Variants in ONECUT1 observed in about 807,000 individuals in gnomAD.
ONECUT1 encodes hepatocyte nuclear factor 6.
Under a neutral mutation model 25.6 loss-of-function variants are expected in ONECUT1, and 12 were observed. That is an observed-to-expected ratio of 0.47 (90% confidence interval 0.30 to 0.76). ONECUT1 has a LOEUF of 0.76. ONECUT1 is among the 30% of genes least tolerant of loss of function. The pLI, the probability that ONECUT1 is intolerant of heterozygous loss-of-function variation, is 0.07. For synonymous variants in ONECUT1, 285 were observed against 270.2 expected (o/e 1.05, Z -0.54); for missense variants, 620 against 651.2 (o/e 0.95, Z 0.52).
chr15:52,774,120 G>GACACAC (rs771577331), intron 1 of ONECUT1, among the ~76,000 whole-genome samples: 3 of 82,882 alleles, frequency 3.6e-5, no homozygotes, highest in Non-Finnish European at 2.4e-5. Context: ...AGATTGGAAG[G>GACACAC]ATACACACAC....
At chr15:52,762,435 T>C (rs2083711382) in intron 1 of ONECUT1, among the ~76,000 whole-genome samples, 1 of 152,246 alleles carries the variant, frequency 6.6e-6, no homozygotes, top group Non-Finnish European at 1.5e-5. Flanking sequence ...GAACCCTTTT[T>C]GGTGGAGACT....
In ONECUT1 at chr15:52,789,322, C is replaced by A. The variant is rs151292910; in HGVS notation, c.563G>T (p.Gly188Val). 2 of 1,579,370 alleles carry A rather than the reference C, an allele frequency of 1.3e-6. No individual in the cohort carries two copies. The highest frequency in any genetic ancestry group is 1.3e-5 in the African/African-American group (1 of 74,400). Residue 188 changes from glycine (G) to valine (V), a missense_variant, in exon 1 of 2, where the codon GGC (glycine) becomes GTC (valine). By Grantham distance (109) the Gly-to-Val change is moderately radical. Around this residue, in one of 4 missense-constraint regions of ONECUT1, gnomAD observed 440 missense variants for 404.9 expected, o/e 1.09. Coordinates refer to ENST00000305901, the MANE Select transcript of ONECUT1 (RefSeq NM_004498.4). The surrounding 1 kb of genome is among the most constrained non-coding windows in gnomAD (Gnocchi z 4.1). ...SLSPLSSSGL[G>V]SIHNSQQGLP... ...CCCTTGCTGGGAGTTGTGGATGCTGCCCAGACCGGAGCTGGAGAGGGGCGA... is the reference window on the plus strand; with the variant it reads ...CCCTTGCTGGGAGTTGTGGATGCTGACCAGACCGGAGCTGGAGAGGGGCGA...
intron 1 of ONECUT1, among the ~76,000 whole-genome samples, chr15:52,758,642 C>G (rs1202345280): frequency 6.6e-6 from 1 of 152,154 alleles, no homozygotes; most frequent in African/African-American, 2.4e-5. Context: ...TCATCACTTA[C>G]TTGGTCTCCC....
chr15:52,773,747 CAG>C (rs2083782666), intron 1 of ONECUT1, among the ~76,000 whole-genome samples: 1 of 152,162 alleles, frequency 6.6e-6, no homozygotes, highest in South Asian at 2.1e-4. Context: ...ACACAGGAGT[CAG>C]AGGGAAAGGG....
At chr15:52,769,954 G>A (rs12911660) in intron 1 of ONECUT1, among the ~76,000 whole-genome samples, 1 of 152,224 alleles carries the variant, frequency 6.6e-6, no homozygotes, top group Non-Finnish European at 1.5e-5. Context: ...TCCAGCAGAA[G>A]AGTCTTGAAG....
chr15:52,767,563 T>C (rs1195484570), intron 1 of ONECUT1, among the ~76,000 whole-genome samples: 4 of 152,152 alleles, frequency 2.6e-5, no homozygotes. Context: ...AACCTGACCC[T>C]TCCCTCCATG....
chr15:52,790,074 TG>T lies in ONECUT1; in HGVS notation c.-191del. 1.3e-6 allele frequency: 1 copy of T among 762,822 alleles called. No homozygotes were observed. 47.3% of individuals were successfully genotyped at this position (762,822 alleles called of 1,614,324 possible). The stretch of plus-strand genomic sequence containing the variant: ...GTCCGTGTGTGCGTGTGCGTGTGTG[TG>T]TGTGTGTGTGTCTCGCCTTCCCTCT... On this transcript the variant is annotated 5_prime_UTR_variant, in exon 1 of 2. Coordinates refer to ENST00000305901, the MANE Select transcript of ONECUT1 (RefSeq NM_004498.4).
chr15:52,790,076 TG>T lies in ONECUT1; in HGVS notation c.-193del. 1.3e-6 allele frequency: 1 copy of T among 769,584 alleles called. No homozygotes were observed. The allele number at this position is 769,584 out of a possible 1,614,324, so 47.7% of individuals were successfully genotyped here. On this transcript the variant is annotated 5_prime_UTR_variant, in exon 1 of 2. Coordinates refer to ENST00000305901, the MANE Select transcript of ONECUT1 (RefSeq NM_004498.4). ...CCGTGTGTGCGTGTGCGTGTGTGTG[TG>T]TGTGTGTGTCTCGCCTTCCCTCTTA...
At chr15:52,768,457 ACT>A (rs1277970233) in intron 1 of ONECUT1, among the ~76,000 whole-genome samples, 2 of 152,074 alleles carry the variant, frequency 1.3e-5, no homozygotes, top group East Asian at 3.8e-4. Context: ...CTTAAAAAAG[ACT>A]CTCAATAGTT....
Position 52,789,711 on chromosome 15 carries a change from C to A in ONECUT1, c.174G>T (p.Leu58=). ...CTCCGCCGCCGCTGCCGCCGTCCAG[C>A]AGGGACGCCATGCCCATGGAGCGCG... ...AHPRSMGMAS[L]LDGGSGGGDY... is the part of the protein sequence containing the mutation. The change falls in exon 1 of 2, where the codon CTG becomes CTT. Residue 58 remains leucine, a synonymous_variant. Coordinates refer to ENST00000305901, the MANE Select transcript of ONECUT1 (RefSeq NM_004498.4). This position sits in a 1 kb window ranked among gnomAD's most constrained non-coding sequence, Gnocchi z 4.1. The A allele has an allele frequency of 6.8e-7, 1 of 1,478,376 alleles. No homozygotes were observed. Among genetic ancestry groups the A allele is most frequent in the African/African-American group, 1.4e-5 (1 of 69,092 alleles). The allele number at this position is 1,478,376 out of a possible 1,614,324, so 91.6% of individuals were successfully genotyped here. A position where few individuals can be genotyped will look rare whatever the true frequency, so the allele number is the denominator to read the frequency against.
rs115823930 is a variant in ONECUT1, at chr15:52,767,090, G to C, written c.1106-9243C>G. ...AGACACTGTTATTCTCTCTCTAGTTGACGAATGAGCAGCCTGAATCTCGGT... is the reference window on the plus strand; with the variant it reads ...AGACACTGTTATTCTCTCTCTAGTTCACGAATGAGCAGCCTGAATCTCGGT... On this transcript the variant is annotated intron_variant, in intron 1 of 1. Transcript: ENST00000305901. Among the ~76,000 whole-genome samples, 1,103 of 152,150 alleles carry C rather than the reference G, an allele frequency of 7.2e-3. 17 individuals are homozygous for C. The highest frequency in any genetic ancestry group is 0.026 in the African/African-American group (1,075 of 41,498).
Position 52,789,632 on chromosome 15 carries a change from G to A in ONECUT1, c.253C>T (p.Pro85Ser), listed in dbSNP as rs769533016. The A allele has an allele frequency of 2.1e-5, 33 of 1,556,936 alleles. No individual in the cohort carries two copies. In the South Asian group the frequency reaches 3.9e-4, roughly 18 times the overall value. Residue 85 changes from proline to serine, a missense_variant, in exon 1 of 2, where the codon CCC (proline) becomes TCC (serine). Physicochemically the swap from Pro to Ser is moderately conservative, Grantham distance 74. Coordinates refer to ENST00000305901, the MANE Select transcript of ONECUT1 (RefSeq NM_004498.4). This position sits in a 1 kb window ranked among gnomAD's most constrained non-coding sequence, Gnocchi z 4.1. ...GTCTCGCAGGCCATGGTCATGGTGG[G>A]ATGCAGGGGGCCGGCCAGGCTGTGC... ...PEHSLAGPLHPTMTMACETPP... is the reference protein window; with the variant it reads ...PEHSLAGPLHSTMTMACETPP...
intron 1 of ONECUT1, among the ~76,000 whole-genome samples, chr15:52,765,900 T>C (rs747582239): frequency 3.9e-5 from 6 of 152,240 alleles, no homozygotes; most frequent in Non-Finnish European, 5.9e-5. Context: ...TGAGCTCTAA[T>C]TGATACGGCC....
chr15:52,789,635 G>A lies in ONECUT1; in HGVS notation c.250C>T (p.His84Tyr), dbSNP rs2083904964. Residue 84 changes from histidine (H) to tyrosine (Y), a missense_variant, in exon 1 of 2, where the codon CAT becomes TAT. His to Tyr is a moderately conservative substitution (Grantham distance 83). Around this residue, in one of 4 missense-constraint regions of ONECUT1, gnomAD observed 440 missense variants for 404.9 expected, o/e 1.09. Transcript: ENST00000305901. The surrounding 1 kb of genome is among the most constrained non-coding windows in gnomAD (Gnocchi z 4.1). ...APEHSLAGPL[H>Y]PTMTMACETP... ...TCGCAGGCCATGGTCATGGTGGGAT[G>A]CAGGGGGCCGGCCAGGCTGTGCTCA... is the stretch of plus-strand genomic sequence containing the variant. 7.7e-6 allele frequency: 12 copies of A among 1,555,828 alleles called. No individual in the cohort carries two copies. Among genetic ancestry groups the A allele is most frequent in the Non-Finnish European group, 9.6e-6 (11 of 1,150,920 alleles).
At chr15:52,767,727 A>G (rs996049052) in intron 1 of ONECUT1, among the ~76,000 whole-genome samples, 2 of 152,198 alleles carry the variant, frequency 1.3e-5, no homozygotes, top group African/African-American at 2.4e-5. Context: ...ATATGAAGAG[A>G]TATCTGCACT....
chr15:52,770,525 TGA>T (rs1197813458), intron 1 of ONECUT1, among the ~76,000 whole-genome samples: 1 of 152,298 alleles, frequency 6.6e-6, no homozygotes, highest in East Asian at 1.9e-4. Flanking sequence ...TAACAAGGGC[TGA>T]GAGTCCCGAG....
chr15:52,782,657 C>T (rs1458927197), intron 1 of ONECUT1, among the ~76,000 whole-genome samples: 2 of 152,176 alleles, frequency 1.3e-5, no homozygotes, highest in Non-Finnish European at 1.5e-5. Flanking sequence ...CCTCTAACAA[C>T]CACAACTTCA....
At chr15:52,771,488 T>C (rs1177713805) in intron 1 of ONECUT1, among the ~76,000 whole-genome samples, 2 of 151,646 alleles carry the variant, frequency 1.3e-5, no homozygotes, top group East Asian at 1.9e-4. Context: ...TATATATCTA[T>C]GGAAAAAAGT....
At chr15:52,760,981 C>CAGGTGAGGTCCATTGTTG (rs79303729) in intron 1 of ONECUT1, among the ~76,000 whole-genome samples, 1 of 148,840 alleles carries the variant, frequency 6.7e-6, no homozygotes, top group African/African-American at 2.5e-5. Context: ...AGGTGGCTCT[C>CAGGTGAGGTCCATTGTTG]GAATTGCCCT....
Sources: gnomAD v4.1 joint callset for allele counts (sites outside exome capture counted in the v4.1 genomes callset) on GRCh38, gnomAD v4.1.1 for gene constraint, gnomAD v4.1.1 regional missense constraint, Gnocchi (gnomAD v3.1) non-coding constraint, MANE v1.5 for transcripts, NCBI Gene and HGNC (gene_info 2026-07-23, HGNC 2026-07-21) for gene names.